The following ACBD5 variants were observed in gnomAD, a reference collection of about 807,000 sequenced individuals.
ACBD5 encodes the protein acyl-CoA-binding domain-containing protein 5.
In ACBD5, 40 loss-of-function variants were observed where a neutral mutation model predicts 71.8. That is an observed-to-expected ratio of 0.56 (90% confidence interval 0.43 to 0.72). The LOEUF (loss-of-function observed/expected upper bound fraction) is 0.72, where lower values mean the gene tolerates loss of function less well. Ranked by LOEUF, ACBD5 falls within the 30% of genes least tolerant of loss-of-function variation. The pLI is 0.00. For synonymous variants in ACBD5, 229 were observed against 218.6 expected (o/e 1.05, Z -0.42); for missense variants, 559 against 644.5 (o/e 0.87, Z 1.44).
chr10:27,227,074 G>A (rs1288356135), intron 4 of ACBD5, among the ~76,000 whole-genome samples: 1 of 95,880 alleles, frequency 1.0e-5, no homozygotes, highest in African/African-American at 4.3e-5. Flanking sequence ...TTTATGTGTG[G>A]CCTAAAATAA....
intron 3 of ACBD5, among the ~76,000 whole-genome samples, chr10:27,232,650 A>G (rs1280786153): frequency 6.6e-6 from 1 of 152,042 alleles, no homozygotes; most frequent in African/African-American, 2.4e-5. Context: ...ATGAACAGAC[A>G]TTTTGGTTAA....
intron 11 of ACBD5, 60 bp downstream of exon 11, chr10:27,205,138 A>G: frequency 1.3e-6 from 2 of 1,550,634 alleles, no homozygotes; most frequent in Non-Finnish European, 1.8e-6. Context: ...AACAAAAACA[A>G]AAACAACAAC....
chr10:27,217,922 T>C, intron 7 of ACBD5, 58 bp downstream of exon 7: 1 of 1,430,154 alleles, frequency 7.0e-7, no homozygotes, highest in Non-Finnish European at 9.8e-7. Context: ...GATCCTATAA[T>C]TACTAAAAGA....
intron 4 of ACBD5, among the ~76,000 whole-genome samples, chr10:27,223,770 C>A (rs2062663383): frequency 6.6e-6 from 1 of 151,830 alleles, no homozygotes; most frequent in African/African-American, 2.4e-5. Context: ...ATTAACCAGG[C>A]ACGGTGGTGT....
intron 10 of ACBD5, among the ~76,000 whole-genome samples, chr10:27,205,469 C>G (rs982979807): frequency 6.6e-6 from 1 of 151,996 alleles, no homozygotes; most frequent in Non-Finnish European, 1.5e-5. Context: ...TACCAAAGGA[C>G]AAGTTCCCTA....
intron 3 of ACBD5, among the ~76,000 whole-genome samples, chr10:27,233,695 G>A (rs1222922312): frequency 6.6e-6 from 1 of 152,172 alleles, no homozygotes; most frequent in African/African-American, 2.4e-5. Flanking sequence ...TCCAGCCTGA[G>A]TGATGGGAGT....
chr10:27,186,643 C>G (rs2058769888), intron 13 of ACBD5: 2 of 1,048,724 alleles, frequency 1.9e-6, no homozygotes, highest in Admixed American at 3.4e-5. Context: ...ATTATTTAAC[C>G]TAGTTCAATG....
chr10:27,221,068 C>A (rs1416126859), intron 5 of ACBD5, among the ~76,000 whole-genome samples: 1 of 152,132 alleles, frequency 6.6e-6, no homozygotes, highest in East Asian at 1.9e-4. Context: ...GAGTAAATAA[C>A]CTAAATGTCC....
chr10:27,185,149 A>G (rs1557169), intron 13 of ACBD5, among the ~76,000 whole-genome samples: 91,792 of 151,984 alleles, frequency 0.6, 28,011 homozygotes, highest in Non-Finnish European at 0.65. Context: ...GAAAGGGAGA[A>G]GGGGGTGAGC....
downstream of ACBD5, among the ~76,000 whole-genome samples, chr10:27,194,346 C>CA (rs1192472258): frequency 6.6e-6 from 1 of 151,332 alleles, no homozygotes; most frequent in Non-Finnish European, 1.5e-5. Flanking sequence ...TGCGGTGACT[C>CA]ACGCCTGTAA....
Position 27,186,668 on chromosome 10 carries a change from G to A in ACBD5, c.1494-3953C>T, listed in dbSNP as rs570707157. Reference sequence around the variant, plus strand: ...CTAGTTCAATGTGCTTTTAATGTACGTTACAGCTTTCACAGAGTTAAAAGG... The same window carrying A: ...CTAGTTCAATGTGCTTTTAATGTACATTACAGCTTTCACAGAGTTAAAAGG... On this transcript the variant is annotated intron_variant, in intron 13 of 13. Transcript: ENST00000676511. 954 of 851,124 alleles carry A rather than the reference G, an allele frequency of 1.1e-3. 1 individual carries two copies. Among genetic ancestry groups the A allele is most frequent in the Non-Finnish European group, 1.3e-3 (676 of 506,874 alleles). 52.7% of individuals were successfully genotyped at this position (851,124 alleles called of 1,614,324 possible).
At chr10:27,222,252 C>T (rs2062445768) in intron 5 of ACBD5, among the ~76,000 whole-genome samples, 1 of 152,062 alleles carries the variant, frequency 6.6e-6, no homozygotes, top group African/African-American at 2.4e-5. Context: ...ATAATTTTCT[C>T]TTAAATTGAC....
chr10:27,205,299 T>C (rs1415775524), intron 10 of ACBD5, 51 bp from the exon 11 acceptor site: 3 of 1,548,096 alleles, frequency 1.9e-6, no homozygotes, highest in East Asian at 2.3e-5. Context: ...AAAAACACAG[T>C]AATTATTCTA....
chr10:27,222,085 T>A (rs367765154), intron 5 of ACBD5, among the ~76,000 whole-genome samples: 3 of 152,134 alleles, frequency 2.0e-5, no homozygotes, highest in Non-Finnish European at 4.4e-5. Flanking sequence ...CAGTACTACT[T>A]GCACGTGGTT....
chr10:27,184,554 A>T (rs813721), intron 13 of ACBD5, among the ~76,000 whole-genome samples: 38 of 84,846 alleles, frequency 4.5e-4, no homozygotes, highest in East Asian at 8.1e-4. Flanking sequence ...TATAAGAAGG[A>T]TTTTTTTTTT....
At chr10:27,242,026 C>T (rs944899854), upstream of ACBD5, 2 of 451,358 alleles carry the variant, frequency 4.4e-6, no homozygotes, top group African/African-American at 2.0e-5. Flanking sequence ...TCGTAAGTTA[C>T]TCTTCCCTCT....
intron 12 of ACBD5, among the ~76,000 whole-genome samples, chr10:27,201,058 G>C (rs1033815063): frequency 1.3e-4 from 20 of 152,154 alleles, no homozygotes; most frequent in African/African-American, 4.6e-4. Context: ...AGCTTCTCAG[G>C]AGGCTGAGGC....
In ACBD5 at chr10:27,225,091, T is replaced by C. The variant is rs2062850192; in HGVS notation, c.376-1639A>G. ...TCGCTCTCTTTCTTTTTTTTTTTTT[T>C]TGGAGACAGCGTCTCGCTCCATCAT... is the stretch of plus-strand genomic sequence containing the variant. On this transcript the variant is annotated intron_variant, in intron 4 of 12. Transcript: ENST00000396271. Among the ~76,000 whole-genome samples, 3 of 151,130 alleles carry C rather than the reference T, an allele frequency of 2.0e-5. No individual in the cohort carries two copies. In the South Asian group the frequency reaches 6.3e-4, roughly 32 times the overall value.
At chr10:27,189,789 A>ATATATAT (rs200900778) in intron 13 of ACBD5, among the ~76,000 whole-genome samples, 45 of 147,876 alleles carry the variant, frequency 3.0e-4, no homozygotes, top group African/African-American at 1.1e-3. Flanking sequence ...TATATATATA[A>ATATATAT]ATAAACTTTT....
Sources: gnomAD v4.1 joint callset for allele counts (sites outside exome capture counted in the v4.1 genomes callset) on GRCh38, gnomAD v4.1.1 for gene constraint, MANE v1.5 for transcripts, NCBI Gene and HGNC (gene_info 2026-07-23, HGNC 2026-07-21) for gene names.